Variants in DCC observed in about 807,000 individuals in gnomAD.
The protein encoded by DCC is DCC netrin 1 receptor.
In DCC, 58 loss-of-function variants were observed where a neutral mutation model predicts 172.5. The ratio of observed to expected loss-of-function variants is 0.34; its 90% CI spans 0.27 to 0.42. The LOEUF (loss-of-function observed/expected upper bound fraction) is 0.42, where lower values mean the gene tolerates loss of function less well. DCC is among the 10% of genes least tolerant of loss of function. The pLI, the probability that DCC is intolerant of heterozygous loss-of-function variation, is 1.00. For synonymous variants in DCC, 709 were observed against 644.5 expected (o/e 1.10, Z -1.52); for missense variants, 1,740 against 1,791.0 (o/e 0.97, Z 0.51).
Position 53,471,533 on chromosome 18 carries a change from C to A in DCC, c.3736+3523C>A, listed in dbSNP as rs141119629. Among the ~76,000 whole-genome samples the A allele has an allele frequency of 3.3e-4, 50 of 152,242 alleles. No individual in the cohort carries two copies. In the East Asian group the frequency reaches 9.3e-3, roughly 28 times the overall value. ...CTTCCATCACATGTAGAAACAAAAT[C>A]CACCAATTTTACTATGTTCTACAAG... is the stretch of plus-strand genomic sequence containing the variant. On this transcript the variant is annotated intron_variant, in intron 25 of 28. Coordinates refer to ENST00000442544, the MANE Select transcript of DCC (RefSeq NM_005215.4).
At chr18:52,551,425 C>T (rs964784043) in intron 1 of DCC, among the ~76,000 whole-genome samples, 2 of 151,976 alleles carry the variant, frequency 1.3e-5, no homozygotes, top group African/African-American at 4.8e-5. Context: ...CTCAGTGACG[C>T]TCTACCATAG....
chr18:53,026,581 G>T (rs771244210), intron 5 of DCC, among the ~76,000 whole-genome samples: 3 of 151,878 alleles, frequency 2.0e-5, no homozygotes, highest in Non-Finnish European at 2.9e-5. Context: ...TTATAGACAG[G>T]GTATCTCTCT....
At chr18:52,578,357 G>T (rs984716415) in intron 1 of DCC, among the ~76,000 whole-genome samples, 4 of 152,216 alleles carry the variant, frequency 2.6e-5, no homozygotes, top group African/African-American at 9.6e-5. Flanking sequence ...TTGCCCACAT[G>T]TATCACTGAG....
chr18:53,270,966 A>G (rs547384405), intron 12 of DCC, among the ~76,000 whole-genome samples: 59 of 152,240 alleles, frequency 3.9e-4, no homozygotes, highest in African/African-American at 1.3e-3. Context: ...GGTAAGTAAT[A>G]TTACCCATTT....
At chr18:52,585,550 G>A (rs554242720) in intron 1 of DCC, among the ~76,000 whole-genome samples, 6 of 152,310 alleles carry the variant, frequency 3.9e-5, no homozygotes, top group African/African-American at 1.4e-4. Flanking sequence ...TTGGTTTCCA[G>A]TCAGGAAAAG....
At chr18:52,424,821 T>C (rs946619241) in intron 1 of DCC, among the ~76,000 whole-genome samples, 2 of 152,172 alleles carry the variant, frequency 1.3e-5, no homozygotes, top group African/African-American at 2.4e-5. Context: ...AACTTCCTTC[T>C]ACGTATCAAA....
intron 5 of DCC, among the ~76,000 whole-genome samples, chr18:52,993,174 C>T (rs1402397409): frequency 6.6e-6 from 1 of 151,966 alleles, no homozygotes; most frequent in African/African-American, 2.4e-5. Flanking sequence ...TTTGTAACAT[C>T]TATTGAGACC....
chr18:53,301,000 T>TTTCTTTCTTTCTTTCTTTCTTTCTTTCC (rs1413588962), intron 12 of DCC, among the ~76,000 whole-genome samples: 5 of 103,064 alleles, frequency 4.9e-5, no homozygotes, highest in Non-Finnish European at 1.1e-4. Context: ...TTTTTTTTTC[T>TTTCTTTCTTTCTTTCTTTCTTTCTTTCC]TTTCTTTCTT....
At chr18:53,303,081 C>G (rs1169457388) in intron 12 of DCC, among the ~76,000 whole-genome samples, 1 of 151,866 alleles carries the variant, frequency 6.6e-6, no homozygotes, top group Non-Finnish European at 1.5e-5. Context: ...TTTATTTTTC[C>G]TGCTTTTTTA....
intron 7 of DCC, among the ~76,000 whole-genome samples, chr18:53,155,263 C>A (rs540216323): frequency 6.0e-4 from 91 of 152,170 alleles, no homozygotes; most frequent in African/African-American, 2.0e-3. Flanking sequence ...ACCACTCAGC[C>A]AGTCGCTATA....
intron 1 of DCC, among the ~76,000 whole-genome samples, chr18:52,647,676 T>A (rs565559540): frequency 6.6e-6 from 1 of 152,294 alleles, no homozygotes; most frequent in African/African-American, 2.4e-5. Context: ...AATATAAACA[T>A]CAATTAAAGA....
rs568726162 is a variant in DCC at position 53,460,810 on chromosome 18, T to TG, written c.3619+1355dup. Among the ~76,000 whole-genome samples the TG allele has an allele frequency of 4.2e-3, 641 of 152,322 alleles. 9 individuals are homozygous for TG. Among genetic ancestry groups the TG allele is most frequent in the Middle Eastern group, 0.01 (3 of 294 alleles). On this transcript the variant is annotated intron_variant, in intron 24 of 28. Transcript: ENST00000442544. ...GGTATATCCCCAGTAATGGGATGCC[T>TG]GGGTCAAATGGTATTTCTAGTTCTA...
At chr18:52,615,418 C>A (rs1439524894) in intron 1 of DCC, among the ~76,000 whole-genome samples, 1 of 152,148 alleles carries the variant, frequency 6.6e-6, no homozygotes, top group African/African-American at 2.4e-5. Context: ...AAATGACATT[C>A]AGAGATGTTA....
At chr18:53,462,593 G>A (rs2045572565) in intron 24 of DCC, among the ~76,000 whole-genome samples, 1 of 151,980 alleles carries the variant, frequency 6.6e-6, no homozygotes, top group Non-Finnish European at 1.5e-5. Context: ...TAGAAATAAA[G>A]TGCACAATAA....
chr18:52,821,692 T>C (rs929626965), intron 2 of DCC, among the ~76,000 whole-genome samples: 4 of 152,242 alleles, frequency 2.6e-5, no homozygotes, highest in Admixed American at 6.5e-5. Flanking sequence ...TGAGTACTTC[T>C]TTATTGGAAT....
chr18:52,647,191 TA>T (rs1373998040), intron 1 of DCC, among the ~76,000 whole-genome samples: 2 of 152,236 alleles, frequency 1.3e-5, no homozygotes, highest in African/African-American at 4.8e-5. Flanking sequence ...TCATCCACGG[TA>T]AGGCCAGACA....
intron 2 of DCC, among the ~76,000 whole-genome samples, chr18:52,754,556 G>T (rs1172656531): frequency 6.6e-6 from 1 of 152,194 alleles, no homozygotes; most frequent in East Asian, 1.9e-4. Flanking sequence ...ACCCTCATCA[G>T]AAACCAATCA....
At chr18:53,359,746 CTCTT>C (rs1473708961) in intron 15 of DCC, among the ~76,000 whole-genome samples, 1 of 152,152 alleles carries the variant, frequency 6.6e-6, no homozygotes, top group Non-Finnish European at 1.5e-5. Context: ...ACCTCTTGGT[CTCTT>C]TCTTTAAATC....
chr18:52,435,965 C>T (rs1175035018), intron 1 of DCC, among the ~76,000 whole-genome samples: 2 of 152,228 alleles, frequency 1.3e-5, no homozygotes, highest in Admixed American at 6.5e-5. Flanking sequence ...CCCATGGCAA[C>T]CATCTCCCCA....
Sources: allele counts gnomAD v4.1 joint callset (sites outside exome capture counted in the v4.1 genomes callset), GRCh38; gene constraint gnomAD v4.1.1; transcripts MANE v1.5; gene names NCBI Gene and HGNC (gene_info 2026-07-23, HGNC 2026-07-21).